ADGRL2: variants seen among roughly 807,000 people sequenced by gnomAD.
ADGRL2 encodes adhesion G protein-coupled receptor L2.
In ADGRL2, 44 loss-of-function variants were observed where a neutral mutation model predicts 157.4. The ratio of observed to expected loss-of-function variants is 0.28; its 90% CI spans 0.22 to 0.36. ADGRL2 has a LOEUF of 0.36. Ranked by LOEUF, ADGRL2 falls within the 10% of genes least tolerant of loss-of-function variation. The pLI, the probability that ADGRL2 is intolerant of heterozygous loss-of-function variation, is 1.00. For synonymous variants in ADGRL2, 585 were observed against 624.7 expected (o/e 0.94, Z 0.95); for missense variants, 1,510 against 1,768.9 (o/e 0.85, Z 2.63).
chr1:81,438,086 C>T (rs748220268), intron 1 of ADGRL2, among the ~76,000 whole-genome samples: 4 of 151,150 alleles, frequency 2.6e-5, no homozygotes, highest in Non-Finnish European at 4.4e-5. Context: ...GAATATGCCC[C>T]GTGATCAACA....
intron 1 of ADGRL2, among the ~76,000 whole-genome samples, chr1:81,433,912 C>G (rs2101633576): frequency 6.6e-6 from 1 of 152,290 alleles, no homozygotes; most frequent in Middle Eastern, 3.4e-3. Flanking sequence ...TGGTTGTAGG[C>G]TAGAAGCTGT....
At chr1:81,405,490 T>C (rs1170198394) in intron 1 of ADGRL2, among the ~76,000 whole-genome samples, 1 of 151,928 alleles carries the variant, frequency 6.6e-6, no homozygotes, top group Non-Finnish European at 1.5e-5. Context: ...TCTCCATGAA[T>C]AATTTTAAAA....
chr1:81,319,671 T>C (rs905386141), intron 1 of ADGRL2, among the ~76,000 whole-genome samples: 12 of 152,210 alleles, frequency 7.9e-5, no homozygotes, highest in African/African-American at 2.7e-4. Context: ...CAAATTATCA[T>C]GAGTTTGTAT....
intron 2 of ADGRL2, chr1:81,514,507 CA>C (rs930769291): frequency 3.3e-5 from 5 of 152,136 alleles, no homozygotes; most frequent in African/African-American, 1.2e-4. Flanking sequence ...CTAAATAAAT[CA>C]AAATGTTTTT....
At chr1:81,372,371 G>A (rs1211211541) in intron 1 of ADGRL2, among the ~76,000 whole-genome samples, 5 of 152,084 alleles carry the variant, frequency 3.3e-5, no homozygotes, top group Non-Finnish European at 5.9e-5. Context: ...CCAAATAATT[G>A]CACATTATGT....
intron 2 of ADGRL2, among the ~76,000 whole-genome samples, chr1:81,859,532 G>C (rs1159356261): frequency 6.7e-6 from 1 of 149,880 alleles, no homozygotes; most frequent in Non-Finnish European, 1.5e-5. Flanking sequence ...TCAGCCTCCT[G>C]AATAGCTGGG....
chr1:81,424,659 A>G (rs1265526645), intron 1 of ADGRL2, among the ~76,000 whole-genome samples: 1 of 152,236 alleles, frequency 6.6e-6, no homozygotes, highest in Non-Finnish European at 1.5e-5. Flanking sequence ...TCTTCATGAT[A>G]GACAATCCTA....
At chr1:81,314,586 A>T (rs1380356269) in intron 1 of ADGRL2, among the ~76,000 whole-genome samples, 1 of 152,142 alleles carries the variant, frequency 6.6e-6, no homozygotes, top group Non-Finnish European at 1.5e-5. Context: ...CTCAACACAA[A>T]CATGCTTCCT....
intron 1 of ADGRL2, among the ~76,000 whole-genome samples, chr1:81,443,219 G>A (rs1233793154): frequency 6.6e-6 from 1 of 152,044 alleles, no homozygotes; most frequent in African/African-American, 2.4e-5. Context: ...TCAAGAGTTC[G>A]AGATCAGCCT....
intron 1 of ADGRL2, among the ~76,000 whole-genome samples, chr1:81,802,904 G>C (rs1405262931): frequency 2.6e-5 from 4 of 152,154 alleles, no homozygotes; most frequent in Non-Finnish European, 5.9e-5. Flanking sequence ...TCGGGCCGCC[G>C]CCGGGACTGG....
chr1:81,555,160 T>C (rs1054397001), intron 2 of ADGRL2, among the ~76,000 whole-genome samples: 1 of 151,802 alleles, frequency 6.6e-6, no homozygotes, highest in Non-Finnish European at 1.5e-5. Context: ...GAAGCATTTG[T>C]CCTGGGTAAA....
chr1:81,663,621 C>A (rs1327782071), intron 3 of ADGRL2, among the ~76,000 whole-genome samples: 1 of 152,166 alleles, frequency 6.6e-6, no homozygotes, highest in Non-Finnish European at 1.5e-5. Context: ...TGGTCCAGTT[C>A]TTCTTAACCT....
chr1:81,463,980 T>C (rs1183793358), intron 2 of ADGRL2, among the ~76,000 whole-genome samples: 1 of 152,158 alleles, frequency 6.6e-6, no homozygotes, highest in African/African-American at 2.4e-5. Context: ...CTTCCTTTTT[T>C]TTTTAAACAC....
At chr1:81,956,865 C>T (rs929477157) in intron 11 of ADGRL2, among the ~76,000 whole-genome samples, 1 of 152,058 alleles carries the variant, frequency 6.6e-6, no homozygotes, top group African/African-American at 2.4e-5. Context: ...GCAGCAGATA[C>T]TGAATGAAGA....
At chr1:81,376,540 C>T (rs1417927386) in intron 1 of ADGRL2, among the ~76,000 whole-genome samples, 5 of 151,796 alleles carry the variant, frequency 3.3e-5, no homozygotes, top group Non-Finnish European at 1.5e-5. Context: ...TTCTTCCTTC[C>T]TTTCTTCCTC....
chr1:81,485,056 T>G (rs2078471005), intron 2 of ADGRL2, among the ~76,000 whole-genome samples: 1 of 151,954 alleles, frequency 6.6e-6, no homozygotes, highest in South Asian at 2.1e-4. Context: ...CTTTGAATGC[T>G]ATGACAAACT....
chr1:81,801,896 T>C (rs2088226697), intron 1 of ADGRL2, among the ~76,000 whole-genome samples: 1 of 152,066 alleles, frequency 6.6e-6, no homozygotes, highest in African/African-American at 2.4e-5. Flanking sequence ...TAAGGGAGCG[T>C]GCGGTCTGGG....
At chr1:81,853,620 T>C (rs541900499) in intron 2 of ADGRL2, among the ~76,000 whole-genome samples, 1 of 152,310 alleles carries the variant, frequency 6.6e-6, no homozygotes, top group Non-Finnish European at 1.5e-5. Context: ...GAATAAGCAG[T>C]GAAATTTTCA....
chr1:81,714,226 A>G (rs1056351951), intron 1 of ADGRL2, among the ~76,000 whole-genome samples: 3 of 152,220 alleles, frequency 2.0e-5, no homozygotes, highest in Non-Finnish European at 4.4e-5. Flanking sequence ...AGATACCTAT[A>G]TAAGTTATCA....
Sources: allele counts gnomAD v4.1 joint callset (sites outside exome capture counted in the v4.1 genomes callset), GRCh38; gene constraint gnomAD v4.1.1; transcripts MANE v1.5; gene names NCBI Gene and HGNC (gene_info 2026-07-23, HGNC 2026-07-21).